Variants in NELL2 observed in about 807,000 individuals in gnomAD.
NELL2 encodes neural EGFL like 2, also known as protein kinase C-binding protein NELL2.
In NELL2, 41 loss-of-function variants were observed where a neutral mutation model predicts 109.6. That is an observed-to-expected ratio of 0.37 (90% CI 0.29 to 0.49). The LOEUF is 0.49. Among genes scored for constraint, NELL2 ranks in the 20% least tolerant of loss-of-function variants. The pLI is 0.98. For synonymous variants in NELL2, 355 were observed against 344.7 expected (o/e 1.03, Z -0.33); for missense variants, 900 against 1,008.3 (o/e 0.89, Z 1.45).
At chr12:44,703,576 T>A in intron 12 of NELL2, 150 bp downstream of exon 12, 3 of 774,578 alleles carry the variant, frequency 3.9e-6, no homozygotes, top group East Asian at 5.6e-5. Flanking sequence ...ATTTGAAAGA[T>A]AATTATTTTT....
chr12:44,588,116 C>T (rs1944604570), intron 15 of NELL2, among the ~76,000 whole-genome samples: 1 of 150,352 alleles, frequency 6.7e-6, no homozygotes, highest in African/African-American at 2.5e-5. Flanking sequence ...TGCAGTGAGC[C>T]GAGATCATCG....
chr12:44,877,424 T>G (rs1349952808), upstream of NELL2, among the ~76,000 whole-genome samples: 1 of 152,248 alleles, frequency 6.6e-6, no homozygotes, highest in East Asian at 1.9e-4. Context: ...CACTTTCATT[T>G]TGGAAAAGTT....
At position 44,697,820 on chromosome 12, in the gene NELL2, T is replaced by C. The variant is rs1489367037; in HGVS notation, c.1318+5906A>G. Among the ~76,000 whole-genome samples, 10 of 152,294 alleles carry C rather than the reference T, an allele frequency of 6.6e-5. No individual in the cohort carries two copies. In the South Asian group the frequency reaches 1.9e-3, roughly 28 times the overall value. The stretch of plus-strand genomic sequence containing the variant: ...TATTAGTTTTCTAGGACTGCCATAA[T>C]AAAGTACCACAAACTGGGTGTCTTG... On this transcript the variant is annotated intron_variant, in intron 12 of 19. Coordinates refer to ENST00000429094, the MANE Select transcript of NELL2 (RefSeq NM_001145108.2).
intron 19 of NELL2, among the ~76,000 whole-genome samples, chr12:44,518,888 T>C (rs184666807): frequency 6.6e-6 from 1 of 152,228 alleles, no homozygotes; most frequent in Non-Finnish European, 1.5e-5. Flanking sequence ...ACTTTTAAAT[T>C]TGCTAATGCA....
At chr12:44,872,740 T>C (rs1485979675) in intron 2 of NELL2, among the ~76,000 whole-genome samples, 5 of 152,218 alleles carry the variant, frequency 3.3e-5, no homozygotes, top group Middle Eastern at 3.2e-3. Flanking sequence ...ACTTATATGA[T>C]AGGTTCATAT....
chr12:44,795,065 C>A (rs1369704900), intron 3 of NELL2, among the ~76,000 whole-genome samples: 1 of 152,132 alleles, frequency 6.6e-6, no homozygotes, highest in Non-Finnish European at 1.5e-5. Context: ...GGCAGGGCAT[C>A]ATTCATTTTA....
intron 11 of NELL2, 83 bp downstream of exon 11, chr12:44,711,209 T>C (rs1279089806): frequency 4.0e-6 from 4 of 1,006,618 alleles, no homozygotes; most frequent in Admixed American, 1.9e-5. Context: ...AATTTGCTTA[T>C]GAGAATTTCT....
At chr12:44,766,447 CA>C (rs773219682) in intron 9 of NELL2, among the ~76,000 whole-genome samples, 9 of 152,292 alleles carry the variant, frequency 5.9e-5, no homozygotes, top group Non-Finnish European at 1.2e-4. Flanking sequence ...TTGCCAAAAT[CA>C]ACTTCTAAGA....
rs563405976 is a variant in NELL2 at position 44,876,272 on chromosome 12, C to G, written c.-403G>C. The G allele has an allele frequency of 1.9e-5, 22 of 1,158,172 alleles. No homozygotes were observed. The highest frequency in any genetic ancestry group is 9.2e-5 in the East Asian group (2 of 21,802). 71.7% of individuals were successfully genotyped at this position (1,158,172 alleles called of 1,614,324 possible). ...CGGGCTGGGGCGGCCCCGCACCCCCCCGTCTTCCCCGCCGCCCGAACCTGT... is the reference window on the plus strand; with the variant it reads ...CGGGCTGGGGCGGCCCCGCACCCCCGCGTCTTCCCCGCCGCCCGAACCTGT... On this transcript the variant is annotated 5_prime_UTR_variant, in exon 1 of 20. Transcript: ENST00000429094.
At chr12:44,788,278 G>A (rs1029735986) in intron 3 of NELL2, among the ~76,000 whole-genome samples, 2 of 152,042 alleles carry the variant, frequency 1.3e-5, no homozygotes, top group African/African-American at 4.8e-5. Flanking sequence ...CCCACCCCAC[G>A]GACCCTCTGA....
intron 9 of NELL2, among the ~76,000 whole-genome samples, chr12:44,770,068 A>C (rs889064319): frequency 6.6e-6 from 1 of 152,126 alleles, no homozygotes; most frequent in African/African-American, 2.4e-5. Context: ...GTAATGTCAC[A>C]ATCTACCTGG....
At chr12:44,857,845 T>C (rs1316502027) in intron 2 of NELL2, among the ~76,000 whole-genome samples, 2 of 152,102 alleles carry the variant, frequency 1.3e-5, no homozygotes, top group Admixed American at 6.5e-5. Context: ...CCCAAATCCA[T>C]ATATCCTTTA....
At chr12:44,515,800 GT>G (rs1412207324) in intron 19 of NELL2, among the ~76,000 whole-genome samples, 1 of 151,854 alleles carries the variant, frequency 6.6e-6, no homozygotes, top group Non-Finnish European at 1.5e-5. Flanking sequence ...TGTTAAAGAA[GT>G]CCTTGCCACT....
At chr12:44,798,852 T>G (rs543540646) in intron 3 of NELL2, among the ~76,000 whole-genome samples, 1 of 151,894 alleles carries the variant, frequency 6.6e-6, no homozygotes, top group South Asian at 2.1e-4. Context: ...AAAGGCATTT[T>G]AATGCATAGA....
At chr12:44,557,147 C>T (rs1943288298) in intron 15 of NELL2, among the ~76,000 whole-genome samples, 1 of 152,146 alleles carries the variant, frequency 6.6e-6, no homozygotes, top group African/African-American at 2.4e-5. Flanking sequence ...GTCCTGGTCC[C>T]AGCCTTGAAC....
At chr12:44,885,875 A>T (rs1049485589) in intron 1 of NELL2, among the ~76,000 whole-genome samples, 1 of 151,962 alleles carries the variant, frequency 6.6e-6, no homozygotes, top group African/African-American at 2.4e-5. Flanking sequence ...TCTGACTTCA[A>T]TACTATACTA....
upstream of NELL2, among the ~76,000 whole-genome samples, chr12:44,916,137 T>C (rs1945826973): frequency 6.6e-6 from 1 of 152,192 alleles, no homozygotes; most frequent in Non-Finnish European, 1.5e-5. Flanking sequence ...AAGTAACATG[T>C]ATTAAAGGAT....
intron 16 of NELL2, among the ~76,000 whole-genome samples, chr12:44,529,171 G>C (rs1941936332): frequency 6.6e-6 from 1 of 152,166 alleles, no homozygotes; most frequent in South Asian, 2.1e-4. Context: ...CAGGCAAAAG[G>C]TAGTAATGGC....
intron 2 of NELL2, among the ~76,000 whole-genome samples, chr12:44,850,749 A>C (rs1417675924): frequency 6.6e-6 from 1 of 152,206 alleles, no homozygotes; most frequent in African/African-American, 2.4e-5. Context: ...CAAAACAAAT[A>C]ATTTGAATAA....
Sources: gnomAD v4.1 joint callset for allele counts (sites outside exome capture counted in the v4.1 genomes callset) on GRCh38, gnomAD v4.1.1 for gene constraint, MANE v1.5 for transcripts, NCBI Gene and HGNC (gene_info 2026-07-23, HGNC 2026-07-21) for gene names.